EIF4G2: variants seen among roughly 807,000 people sequenced by gnomAD.
EIF4G2 encodes the protein eukaryotic translation initiation factor 4 gamma 2.
EIF4G2 carries 8 observed loss-of-function variants against 117.7 expected under a neutral mutation model. The observed-to-expected ratio is 0.07, with a 90% CI of 0.04 to 0.12. The LOEUF is 0.12. Ranked by LOEUF, EIF4G2 falls within the 10% of genes least tolerant of loss-of-function variation. EIF4G2 has a pLI of 1.00. For synonymous variants in EIF4G2, 413 were observed against 367.8 expected, an observed-to-expected ratio of 1.12 and a Z score of -1.41; for missense variants, 812 against 1,086.2, an observed-to-expected ratio of 0.75 and a Z score of 3.55.
chr11:10,798,403 C>CT (rs889001098), intron 21 of EIF4G2, among the ~76,000 whole-genome samples: 1 of 151,844 alleles, frequency 6.6e-6, no homozygotes, highest in Admixed American at 6.6e-5. Context: ...AACTTTTTTT[C>CT]TTTTTTTGAG....
chr11:10,807,642 A>G, intron 1 of EIF4G2: 1 of 1,069,914 alleles, frequency 9.3e-7, no homozygotes. Context: ...AAAAAGCCAC[A>G]TTCTACTATC....
At position 10,801,666 on chromosome 11, in the gene EIF4G2, C is replaced by T; in HGVS notation, c.1408G>A (p.Asp470Asn). 1 of 1,612,090 alleles carries T rather than the reference C, an allele frequency of 6.2e-7. No homozygotes were observed. Among genetic ancestry groups the T allele is most frequent in the Non-Finnish European group, 8.5e-7 (1 of 1,178,148 alleles). The change falls in exon 14 of 22, where the codon GAT becomes AAT. Residue 470 changes from aspartate (D) to asparagine (N), a missense_variant. Asp to Asn is a conservative substitution (Grantham distance 23, BLOSUM62 1). This residue lies in a region of EIF4G2 where 571 missense variants were observed against 642.3 expected (regional missense o/e 0.89). Coordinates refer to ENST00000339995, the MANE Select transcript of EIF4G2 (RefSeq NM_001418.4). The stretch of plus-strand genomic sequence containing the variant: ...AGTAACATAGGCAAATGTACCTCAT[C>T]TGCATTAAGCTGTCCTTTCTTAGAA...
intron 16 of EIF4G2, 35 bp downstream of exon 16, chr11:10,800,696 G>A: frequency 1.9e-6 from 3 of 1,613,578 alleles, no homozygotes; most frequent in Non-Finnish European, 2.5e-6. Context: ...TCAAATACAG[G>A]CTAATTACAC....
At position 10,804,431 on chromosome 11, in the gene EIF4G2, T is replaced by A. The variant is rs1194247281; in HGVS notation, c.352-13A>T. On this transcript the variant is annotated splice_polypyrimidine_tract_variant and intron_variant, in intron 5 of 21. Transcript: ENST00000339995. ...CTTTGTCCACAATCTACAGAAAATG[T>A]CATTGCTTAAACTAAATATGAAAAC... 1 of 1,565,966 alleles carries A rather than the reference T, an allele frequency of 6.4e-7. No homozygotes were observed. Among genetic ancestry groups the A allele is most frequent in the Non-Finnish European group, 8.6e-7 (1 of 1,157,746 alleles).
At chr11:10,798,504 C>G (rs141354730) in intron 21 of EIF4G2, among the ~76,000 whole-genome samples, 1 of 152,130 alleles carries the variant, frequency 6.6e-6, no homozygotes, top group African/African-American at 2.4e-5. Flanking sequence ...GACATCCTCC[C>G]GAGTAGCTGG....
At chr11:10,808,284 C>A in intron 1 of EIF4G2, 1 of 1,217,638 alleles carries the variant, frequency 8.2e-7, no homozygotes, top group Non-Finnish European at 1.0e-6. Context: ...CACCTCCCCG[C>A]CGGGAGGCCA....
rs754471437 is a variant in EIF4G2, at chr11:10,800,054, T to C, written c.2119+36A>G. ...TACCTGAAATCTCTAGATATAATAT[T>C]AAAAAAACAAAACAAACAAGTCAGC... On this transcript the variant is annotated intron_variant, in intron 18 of 21. Coordinates refer to ENST00000339995, the MANE Select transcript of EIF4G2 (RefSeq NM_001418.4). 10 of 1,595,890 alleles carry C rather than the reference T, an allele frequency of 6.3e-6. No individual in the cohort carries two copies. In the South Asian group the frequency reaches 1.1e-4, roughly 18 times the overall value.
rs1478383211 is a variant in EIF4G2 at position 10,799,879 on chromosome 11, C to A, written c.2120-123G>T. 7.1e-6 allele frequency: 9 copies of A among 1,270,466 alleles called. No homozygotes were observed. In the African/African-American group the frequency reaches 7.6e-5, roughly 11 times the overall value. 78.7% of individuals were successfully genotyped at this position (1,270,466 alleles called of 1,614,324 possible). On this transcript the variant is annotated intron_variant, in intron 18 of 21. Transcript: ENST00000339995. ...AAGATCCATGTAGCAGAATAGAGAA[C>A]CAACCCAGCAAATGAAAAAAACTCA...
Position 10,803,607 on chromosome 11 carries a change from C to T in EIF4G2, c.703-17G>A. On this transcript the variant is annotated splice_polypyrimidine_tract_variant and intron_variant, in intron 8 of 21. Coordinates refer to ENST00000339995, the MANE Select transcript of EIF4G2 (RefSeq NM_001418.4). The surrounding 1 kb of genome is among the most constrained non-coding windows in gnomAD (Gnocchi z 4.0). The stretch of plus-strand genomic sequence containing the variant: ...TTCCAAAAGCTACAAGAATAAAAGG[C>T]CATGGTGACAAAGTTTTAGTTACTC... The T allele has an allele frequency of 6.2e-7, 1 of 1,601,250 alleles. No individual in the cohort carries two copies.
chr11:10,802,336 C>G lies in EIF4G2; in HGVS notation c.1096G>C (p.Asp366His). Reference sequence around the variant, plus strand: ...ATATCAGCAAGTCCTCCAAGTGGGTCCCTATCCATTTTCATCCTGGGTGGC... The same window carrying G: ...ATATCAGCAAGTCCTCCAAGTGGGTGCCTATCCATTTTCATCCTGGGTGGC... Residue 366 changes from aspartate (D) to histidine (H), a missense_variant, in exon 12 of 22, where the codon GAC becomes CAC. This residue lies in a region of EIF4G2 where 571 missense variants were observed against 642.3 expected (regional missense o/e 0.89). Coordinates refer to ENST00000339995, the MANE Select transcript of EIF4G2 (RefSeq NM_001418.4). 6.2e-7 allele frequency: 1 copy of G among 1,613,948 alleles called. No individual in the cohort carries two copies.
chr11:10,798,188 A>T (rs778153574), intron 21 of EIF4G2, among the ~76,000 whole-genome samples: 93 of 152,288 alleles, frequency 6.1e-4, no homozygotes, highest in Non-Finnish European at 1.1e-3. Flanking sequence ...CATGAGAAAG[A>T]ATCACCTGGA....
At position 10,801,951 on chromosome 11, in the gene EIF4G2, T is replaced by G. The variant is rs1202482447; in HGVS notation, c.1299+98A>C. 11 of 1,080,560 alleles carry G rather than the reference T, an allele frequency of 1.0e-5. No homozygotes were observed. In the Admixed American group the frequency reaches 2.3e-4, roughly 22 times the overall value. The allele number at this position is 1,080,560 out of a possible 1,614,324, so 66.9% of individuals were successfully genotyped here. A position where few individuals can be genotyped will look rare whatever the true frequency, so the allele number is the denominator to read the frequency against. Reference sequence around the variant, plus strand: ...AACCTATCAAATAAAGTGATGTGATTTTACTAATACTTTACTAATCTTAAG... The same window carrying G: ...AACCTATCAAATAAAGTGATGTGATGTTACTAATACTTTACTAATCTTAAG... On this transcript the variant is annotated intron_variant, in intron 13 of 21. Transcript: ENST00000339995.
chr11:10,800,274 C>T lies in EIF4G2; in HGVS notation c.1935G>A (p.Gln645=). 6.2e-7 allele frequency: 1 copy of T among 1,614,196 alleles called. No individual in the cohort carries two copies. The highest frequency in any genetic ancestry group is 8.5e-7 in the Non-Finnish European group (1 of 1,180,032). ...CTGAAATGATGGCACGAGCTGCAAACTGTGCTAAATAGGATTTCACCAAAG... is the reference window on the plus strand; with the variant it reads ...CTGAAATGATGGCACGAGCTGCAAATTGTGCTAAATAGGATTTCACCAAAG... Residue 645 remains glutamine, a synonymous_variant, in exon 18 of 22, where the codon CAG becomes CAA. Transcript: ENST00000339995.
chr11:10,801,641 A>T lies in EIF4G2; in HGVS notation c.1413+20T>A. The T allele has an allele frequency of 6.2e-7, 1 of 1,601,416 alleles. No homozygotes were observed. The highest frequency in any genetic ancestry group is 8.6e-7 in the Non-Finnish European group (1 of 1,168,440). ...CTGAATGGACAAACTATGGTATATAAGTAACATAGGCAAATGTACCTCATC... is the reference window on the plus strand; with the variant it reads ...CTGAATGGACAAACTATGGTATATATGTAACATAGGCAAATGTACCTCATC... On this transcript the variant is annotated intron_variant, in intron 14 of 21. Transcript: ENST00000339995.
intron 14 of EIF4G2, chr11:10,801,330 T>C (rs1683446070): frequency 1.6e-6 from 1 of 636,680 alleles, no homozygotes; most frequent in African/African-American, 1.8e-5. Context: ...ATGACTAAAA[T>C]ATTCAAATAA....
intron 6 of EIF4G2, 28 bp from the exon 7 acceptor site, chr11:10,804,231 A>T: frequency 6.2e-7 from 1 of 1,613,136 alleles, no homozygotes. Context: ...GTCATGCTTT[A>T]TTAAGGAAAT....
In EIF4G2 at chr11:10,803,685, A is replaced by G; in HGVS notation, c.703-95T>C. 2.5e-6 allele frequency: 3 copies of G among 1,221,130 alleles called. No homozygotes were observed. Among genetic ancestry groups the G allele is most frequent in the Admixed American group, 3.8e-5 (2 of 53,064 alleles). The allele number at this position is 1,221,130 out of a possible 1,614,324, so 75.6% of individuals were successfully genotyped here. A position where few individuals can be genotyped will look rare whatever the true frequency, so the allele number is the denominator to read the frequency against. On this transcript the variant is annotated intron_variant, in intron 8 of 21. Transcript: ENST00000339995. The surrounding 1 kb of genome is among the most constrained non-coding windows in gnomAD (Gnocchi z 4.0). ...TTTATGTTTGCACTGACTCATTCACAGTTCCTACAGAATCTAGTATAGGGC... is the reference window on the plus strand; with the variant it reads ...TTTATGTTTGCACTGACTCATTCACGGTTCCTACAGAATCTAGTATAGGGC...
chr11:10,801,091 G>A lies in EIF4G2; in HGVS notation c.1414-4C>T. ...ACTGAGCAGGCCTCAGGCTAATCTG[G>A]AATTGAAAACAAAATATATCTAAAT... On this transcript the variant is annotated splice_region_variant and splice_polypyrimidine_tract_variant and intron_variant, in intron 14 of 21. Coordinates refer to ENST00000339995, the MANE Select transcript of EIF4G2 (RefSeq NM_001418.4). 6.2e-7 allele frequency: 1 copy of A among 1,613,142 alleles called. No homozygotes were observed. Among genetic ancestry groups the A allele is most frequent in the Non-Finnish European group, 8.5e-7 (1 of 1,179,752 alleles).
Position 10,806,004 on chromosome 11 carries a change from T to C in EIF4G2, c.151A>G (p.Ile51Val). The C allele has an allele frequency of 6.2e-7, 1 of 1,614,242 alleles. No homozygotes were observed. Among genetic ancestry groups the C allele is most frequent in the South Asian group, 1.1e-5 (1 of 91,080 alleles). The change falls in exon 4 of 22, where the codon ATT becomes GTT. Residue 51 changes from isoleucine to valine, a missense_variant. Ile to Val is a conservative substitution (Grantham distance 29). Transcript: ENST00000339995. The stretch of plus-strand genomic sequence containing the variant: ...TCTCGTCTAGTGCTTCGTGCAGGAA[T>C]CCATTTCTGAGCGTTTTGCCCTGGG...
Sources: gnomAD v4.1 joint callset for allele counts (sites outside exome capture counted in the v4.1 genomes callset) on GRCh38, gnomAD v4.1.1 for gene constraint, gnomAD v4.1.1 regional missense constraint, Gnocchi (gnomAD v3.1) non-coding constraint, MANE v1.5 for transcripts, NCBI Gene and HGNC (gene_info 2026-07-23, HGNC 2026-07-21) for gene names.